ONECUT2: variants seen among roughly 807,000 people sequenced by gnomAD.
ONECUT2 encodes the protein one cut homeobox 2.
In ONECUT2, 10 loss-of-function variants were observed where a neutral mutation model predicts 27.9. That is an observed-to-expected ratio of 0.36 (90% CI 0.22 to 0.61). The LOEUF (loss-of-function observed/expected upper bound fraction) is 0.61, where lower values mean the gene tolerates loss of function less well. Ranked by LOEUF, ONECUT2 falls within the 20% of genes least tolerant of loss-of-function variation. The probability of loss-of-function intolerance (pLI) is 0.73; values close to 1 mark genes in which losing one functional copy is unlikely to be tolerated. For synonymous variants in ONECUT2, 334 were observed against 315.1 expected (o/e 1.06, Z -0.64); for missense variants, 686 against 721.0 (o/e 0.95, Z 0.56).
chr18:57,464,111 T>A (rs954697503), intron 1 of ONECUT2, among the ~76,000 whole-genome samples: 1 of 152,190 alleles, frequency 6.6e-6, no homozygotes, highest in Non-Finnish European at 1.5e-5. Context: ...CCCAGCCTGT[T>A]ATTTACTATG....
chr18:57,435,707 G>A lies in ONECUT2; in HGVS notation c.-10G>A. The A allele has an allele frequency of 8.6e-7, 1 of 1,165,998 alleles. No homozygotes were observed. Among genetic ancestry groups the A allele is most frequent in the African/African-American group, 1.7e-5 (1 of 59,454 alleles). The allele number at this position is 1,165,998 out of a possible 1,614,324, so 72.2% of individuals were successfully genotyped here. A position where few individuals can be genotyped will look rare whatever the true frequency, so the allele number is the denominator to read the frequency against. ...GCCGCCCCCGCCGCCCCCGGGCCCT[G>A]ATGGACTGAATGAAGGCTGCCTACA... On this transcript the variant is annotated 5_prime_UTR_variant, in exon 1 of 2. Transcript: ENST00000491143.
chr18:57,467,200 G>A (rs2050325996), intron 1 of ONECUT2: 1 of 456,452 alleles, frequency 2.2e-6, no homozygotes, highest in African/African-American at 2.0e-5. Flanking sequence ...TGGTCGCTGT[G>A]CGGTCTGCCT....
chr18:57,470,417 C>G (rs1426436877), intron 1 of ONECUT2, among the ~76,000 whole-genome samples: 1 of 152,162 alleles, frequency 6.6e-6, no homozygotes, highest in African/African-American at 2.4e-5. Context: ...GTTTCCTTCT[C>G]CAAGAGTAAA....
intron 1 of ONECUT2, among the ~76,000 whole-genome samples, chr18:57,471,146 T>C (rs577738468): frequency 6.6e-5 from 10 of 152,264 alleles, no homozygotes; most frequent in African/African-American, 2.2e-4. Flanking sequence ...TCCCTTTGCA[T>C]CCCCTCTGGA....
Position 57,449,682 on chromosome 18 carries a change from C to T in ONECUT2, c.1228+12738C>T, listed in dbSNP as rs998676369. On this transcript the variant is annotated intron_variant, in intron 1 of 1. Transcript: ENST00000491143. ...CCCTCCCCAGTCAGTCAGTTCTCCT[C>T]GTTTTCCTGCTCAGGCATTGTCCTC... 8.5e-5 allele frequency among the ~76,000 whole-genome samples: 13 copies of T among 152,318 alleles called. No individual in the cohort carries two copies. The East Asian group carries it at 1.9e-3, about 23-fold the overall frequency.
chr18:57,456,850 C>G (rs1340775300), intron 1 of ONECUT2, among the ~76,000 whole-genome samples: 1 of 152,122 alleles, frequency 6.6e-6, no homozygotes. Context: ...GTGGCATGTA[C>G]CTGCAGTCCC....
chr18:57,475,181 C>T (rs1335450399), intron 1 of ONECUT2, among the ~76,000 whole-genome samples: 5 of 151,270 alleles, frequency 3.3e-5, no homozygotes, highest in African/African-American at 7.3e-5. Flanking sequence ...CTCAGCATCC[C>T]GAGTAGCTGG....
Position 57,485,434 on chromosome 18 carries a change from T to C in ONECUT2, c.*8711T>C, listed in dbSNP as rs1393393144. 1 of 152,230 alleles carries C rather than the reference T, an allele frequency of 6.6e-6. No individual in the cohort carries two copies. The highest frequency in any genetic ancestry group is 2.4e-5 in the African/African-American group (1 of 41,456). 9.4% of individuals were successfully genotyped at this position (152,230 alleles called of 1,614,324 possible). A position where few individuals can be genotyped will look rare whatever the true frequency, so the allele number is the denominator to read the frequency against. On this transcript the variant is annotated 3_prime_UTR_variant, in exon 2 of 2. Transcript: ENST00000491143. ...AGAAATGGCTACTTAAAGTTGCTTC[T>C]CTCTTTCCTTCTTACTCATGAAATT...
At position 57,436,319 on chromosome 18, in the gene ONECUT2, G is replaced by A. The variant is rs368237468; in HGVS notation, c.603G>A (p.Glu201=). 6.2e-7 allele frequency: 1 copy of A among 1,604,108 alleles called. No individual in the cohort carries two copies. Among genetic ancestry groups the A allele is most frequent in the Non-Finnish European group, 8.5e-7 (1 of 1,179,722 alleles). The change falls in exon 1 of 2, where the codon GAG becomes GAA. Residue 201 remains glutamate, a synonymous_variant. Transcript: ENST00000491143. This position sits in a 1 kb window ranked among gnomAD's most constrained non-coding sequence, Gnocchi z 5.9. The part of the protein sequence containing the change: ...VSGSFTLMRD[E]RGLPAMNNLY... ...GCAGCTTCACCCTCATGCGCGACGA[G>A]CGCGGGCTCCCGGCCATGAACAACC...
rs2122160281 is a variant in ONECUT2 at position 57,480,798 on chromosome 18, A to G, written c.*4075A>G. 1 of 152,318 alleles carries G rather than the reference A, an allele frequency of 6.6e-6. No homozygotes were observed. Among genetic ancestry groups the G allele is most frequent in the East Asian group, 1.9e-4 (1 of 5,186 alleles). 9.4% of individuals were successfully genotyped at this position (152,318 alleles called of 1,614,324 possible). On this transcript the variant is annotated 3_prime_UTR_variant, in exon 2 of 2. Coordinates refer to ENST00000491143, the MANE Select transcript of ONECUT2 (RefSeq NM_004852.3). ...AAAAAAATTTCTATATTGAAAGGTAATAGAATTTAACCCAGTGAGTTTACT... is the reference window on the plus strand; with the variant it reads ...AAAAAAATTTCTATATTGAAAGGTAGTAGAATTTAACCCAGTGAGTTTACT...
At chr18:57,440,945 G>T (rs2050170916) in intron 1 of ONECUT2, among the ~76,000 whole-genome samples, 1 of 152,204 alleles carries the variant, frequency 6.6e-6, no homozygotes, top group Admixed American at 6.5e-5. Flanking sequence ...TAGCTGCTTG[G>T]ATGAATAATT....
intron 1 of ONECUT2, among the ~76,000 whole-genome samples, chr18:57,440,004 C>T (rs1299756896): frequency 6.6e-6 from 1 of 152,220 alleles, no homozygotes; most frequent in Non-Finnish European, 1.5e-5. Flanking sequence ...CCCAGCCTGC[C>T]GGTGTAGTCA....
At chr18:57,444,840 T>TA (rs1371204503) in intron 1 of ONECUT2, among the ~76,000 whole-genome samples, 1 of 151,772 alleles carries the variant, frequency 6.6e-6, no homozygotes, top group African/African-American at 2.4e-5. Flanking sequence ...AGCTGGGCAT[T>TA]AAGCCCACAC....
In ONECUT2 at chr18:57,436,138, G is replaced by C. The variant is rs375937685; in HGVS notation, c.422G>C (p.Gly141Ala). 1 of 1,604,062 alleles carries C rather than the reference G, an allele frequency of 6.2e-7. No individual in the cohort carries two copies. Among genetic ancestry groups the C allele is most frequent in the Non-Finnish European group, 8.5e-7 (1 of 1,179,884 alleles). Residue 141 changes from glycine to alanine, a missense_variant, in exon 1 of 2, where the codon GGC becomes GCC. By Grantham distance (60) the Gly-to-Ala change is moderately conservative. Transcript: ENST00000491143. This position sits in a 1 kb window ranked among gnomAD's most constrained non-coding sequence, Gnocchi z 5.9. ...ATGTCCTGCGACTCGTCTCCGCCTG[G>C]CATGGGCATGAGCAACACCTACACC... is the stretch of plus-strand genomic sequence containing the variant. ...MSMSCDSSPP[G>A]MGMSNTYTTL...
chr18:57,467,344 G>GT, intron 1 of ONECUT2: 30 of 271,454 alleles, frequency 1.1e-4, no homozygotes, highest in South Asian at 6.8e-4. Flanking sequence ...CATTTCCTTT[G>GT]GTTTTTTTTT....
intron 1 of ONECUT2, among the ~76,000 whole-genome samples, chr18:57,446,378 G>C (rs377084648): frequency 7.9e-5 from 12 of 152,118 alleles, no homozygotes; most frequent in African/African-American, 2.7e-4. Flanking sequence ...TTGTGCAAAC[G>C]GTGCTTTTAG....
At chr18:57,473,933 T>C (rs939749183) in intron 1 of ONECUT2, among the ~76,000 whole-genome samples, 4 of 152,142 alleles carry the variant, frequency 2.6e-5, no homozygotes, top group African/African-American at 9.7e-5. Flanking sequence ...CGGTAAGCTG[T>C]TGGAAGGATG....
intron 1 of ONECUT2, among the ~76,000 whole-genome samples, chr18:57,457,175 T>C (rs2050264239): frequency 6.6e-6 from 1 of 152,236 alleles, no homozygotes; most frequent in South Asian, 2.1e-4. Context: ...TTCCAATTTT[T>C]CCACATCCTT....
intron 1 of ONECUT2, among the ~76,000 whole-genome samples, chr18:57,437,802 G>T (rs895051685): frequency 6.6e-6 from 1 of 152,240 alleles, no homozygotes; most frequent in Non-Finnish European, 1.5e-5. Flanking sequence ...ATTTGCCGGG[G>T]CTCCGGGAGA....
Sources: allele counts gnomAD v4.1 joint callset (sites outside exome capture counted in the v4.1 genomes callset), GRCh38; gene constraint gnomAD v4.1.1; non-coding constraint Gnocchi (gnomAD v3.1); transcripts MANE v1.5; gene names NCBI Gene and HGNC (gene_info 2026-07-23, HGNC 2026-07-21).